The following DGCR2 variants were observed in gnomAD, a reference collection of about 807,000 sequenced individuals.
DGCR2 encodes the protein integral membrane protein DGCR2/IDD.
DGCR2 carries 24 observed loss-of-function variants against 51.6 expected under a neutral mutation model. The observed-to-expected ratio is 0.47, with a 90% confidence interval of 0.34 to 0.65. DGCR2 has a LOEUF of 0.65. Ranked by LOEUF, DGCR2 falls within the 30% of genes least tolerant of loss-of-function variation. DGCR2 has a pLI of 0.01. For missense variants in DGCR2, 765 were observed against 772.1 expected (o/e 0.99, Z 0.11); for synonymous variants, 340 against 315.4 (o/e 1.08, Z -0.82).
intron 3 of DGCR2, among the ~76,000 whole-genome samples, chr22:19,065,560 C>T (rs1302382292): frequency 2.6e-5 from 4 of 152,176 alleles, no homozygotes; most frequent in Non-Finnish European, 5.9e-5. Flanking sequence ...CTGGGAGAGC[C>T]ATGACACTGT....
In DGCR2 at chr22:19,057,171, G is replaced by A. The variant is rs1360849182; in HGVS notation, c.626-9C>T. On this transcript the variant is annotated splice_polypyrimidine_tract_variant and intron_variant, in intron 5 of 9. Transcript: ENST00000263196. The surrounding 1 kb of genome is among the most constrained non-coding windows in gnomAD (Gnocchi z 5.1). ...GAACACCTCTGAAGAGCCTGTTGGG[G>A]AGACAAAAGGTGGGGCTGGACAACA... The A allele has an allele frequency of 6.3e-7, 1 of 1,594,092 alleles. No individual in the cohort carries two copies. The highest frequency in any genetic ancestry group is 1.3e-5 in the African/African-American group (1 of 74,752).
chr22:19,095,392 T>C (rs1356653800), intron 1 of DGCR2, among the ~76,000 whole-genome samples: 1 of 150,684 alleles, frequency 6.6e-6, no homozygotes, highest in Admixed American at 6.6e-5. Context: ...CCAGGCGCGG[T>C]GGCTCACACC....
chr22:19,117,211 C>A (rs2083382654), intron 1 of DGCR2, among the ~76,000 whole-genome samples: 1 of 152,230 alleles, frequency 6.6e-6, no homozygotes, highest in East Asian at 1.9e-4. Flanking sequence ...ACTCAGTACT[C>A]TGGGAAGTGG....
intron 1 of DGCR2, among the ~76,000 whole-genome samples, chr22:19,102,395 C>G (rs753368900): frequency 4.9e-4 from 75 of 152,188 alleles, no homozygotes; most frequent in Non-Finnish European, 3.2e-4. Context: ...CTGAATTAAC[C>G]GTACACTTAA....
rs754589985 is a variant in DGCR2, at chr22:19,041,108, G to C, written c.1346C>G (p.Pro449Arg). The change falls in exon 9 of 10, where the codon CCG becomes CGG. Residue 449 changes from proline (P) to arginine (R), a missense_variant. Around this residue, in one of 3 missense-constraint regions of DGCR2, gnomAD observed 205 missense variants for 181.4 expected, o/e 1.13. Coordinates refer to ENST00000263196, the MANE Select transcript of DGCR2 (RefSeq NM_005137.3). ...PDIGQPDDPPPPYEASIHPDS... is the reference protein window; with the variant it reads ...PDIGQPDDPPRPYEASIHPDS... The stretch of plus-strand genomic sequence containing the variant: ...CGGGTGGATGGAGGCCTCGTAGGGC[G>C]GCGGAGGGTCGTCGGGCTGGCCGAT... The C allele has an allele frequency of 6.2e-7, 1 of 1,613,412 alleles. No individual in the cohort carries two copies. The highest frequency in any genetic ancestry group is 8.5e-7 in the Non-Finnish European group (1 of 1,179,540).
intron 6 of DGCR2, among the ~76,000 whole-genome samples, chr22:19,050,641 G>A (rs889927320): frequency 3.3e-5 from 5 of 152,226 alleles, no homozygotes; most frequent in African/African-American, 9.6e-5. Context: ...TGTATGGAAT[G>A]TAGTATTGGG....
At chr22:19,078,159 T>C (rs1300942762) in intron 2 of DGCR2, among the ~76,000 whole-genome samples, 1 of 152,212 alleles carries the variant, frequency 6.6e-6, no homozygotes. Context: ...CATTTTGTAG[T>C]TGTCAGTGTT....
intron 2 of DGCR2, among the ~76,000 whole-genome samples, chr22:19,075,556 A>G (rs2082866508): frequency 6.6e-6 from 1 of 152,176 alleles, no homozygotes; most frequent in Non-Finnish European, 1.5e-5. Context: ...CTTACCAAAC[A>G]AACTCCGTAT....
intron 2 of DGCR2, among the ~76,000 whole-genome samples, chr22:19,075,284 G>A (rs1409646650): frequency 2.0e-5 from 3 of 152,020 alleles, no homozygotes; most frequent in East Asian, 1.9e-4. Flanking sequence ...AAAATTAGTC[G>A]GGCATGGTGA....
rs575880535 is a variant in DGCR2, at chr22:19,121,933, C to T, written c.79+195G>A. The T allele has an allele frequency of 4.1e-5, 12 of 290,424 alleles. No homozygotes were observed. The South Asian group carries it at 1.6e-3, about 39-fold the overall frequency. The allele number at this position is 290,424 out of a possible 1,614,324, so 18.0% of individuals were successfully genotyped here. A position where few individuals can be genotyped will look rare whatever the true frequency, so the allele number is the denominator to read the frequency against. On this transcript the variant is annotated intron_variant, in intron 1 of 9. Transcript: ENST00000263196. The stretch of plus-strand genomic sequence containing the variant: ...CCTGGACAGCAGAGCTGCACGAAGT[C>T]CGAGGCGCCGCGAGCCCAGGTAAGC...
chr22:19,117,660 A>G (rs1256297114), intron 1 of DGCR2, among the ~76,000 whole-genome samples: 3 of 152,244 alleles, frequency 2.0e-5, no homozygotes, highest in African/African-American at 7.2e-5. Flanking sequence ...AAATAAGGTA[A>G]AATGCCAACA....
At chr22:19,109,212 T>C (rs766704534) in intron 1 of DGCR2, among the ~76,000 whole-genome samples, 4 of 152,132 alleles carry the variant, frequency 2.6e-5, no homozygotes, top group Non-Finnish European at 4.4e-5. Flanking sequence ...AATGGTACAG[T>C]CACTATGGAA....
chr22:19,041,469 C>T (rs1395938300), intron 8 of DGCR2, 175 bp from the exon 9 acceptor site: 21 of 652,844 alleles, frequency 3.2e-5, no homozygotes, highest in Non-Finnish European at 4.8e-5. Flanking sequence ...TGGTGTGCTC[C>T]GTGGCATGTC....
Position 19,122,171 on chromosome 22 carries a change from C to A in DGCR2, c.36G>T (p.Leu12=). The A allele has an allele frequency of 1.3e-6, 2 of 1,513,650 alleles. No homozygotes were observed. The highest frequency in any genetic ancestry group is 2.9e-5 in the East Asian group (1 of 34,756). The allele number at this position is 1,513,650 out of a possible 1,614,324, so 93.8% of individuals were successfully genotyped here. Residue 12 remains leucine, a synonymous_variant, in exon 1 of 10, where the codon CTG becomes CTT. Transcript: ENST00000263196. ...TGACAGTGAGCACGAGCAGGAAGAG[C>A]AGCAGGAAGGCGCCGCTGTCTGCCT... is the stretch of plus-strand genomic sequence containing the variant. ...VPKADSGAFL[L]LFLLVLTVTE... is the part of the protein sequence containing the mutation.
chr22:19,056,429 C>A, intron 6 of DGCR2: 2 of 512,918 alleles, frequency 3.9e-6, no homozygotes, highest in South Asian at 2.2e-5. Flanking sequence ...GCACAGCTGC[C>A]ATCCCAGAGC....
At chr22:19,096,137 A>G (rs910406260) in intron 1 of DGCR2, among the ~76,000 whole-genome samples, 1 of 152,180 alleles carries the variant, frequency 6.6e-6, no homozygotes, top group Non-Finnish European at 1.5e-5. Context: ...TCCTCAGTGT[A>G]TTCTAGGTCT....
intron 2 of DGCR2, among the ~76,000 whole-genome samples, chr22:19,082,383 G>C (rs902936360): frequency 6.6e-6 from 1 of 151,790 alleles, no homozygotes; most frequent in Admixed American, 6.6e-5. Flanking sequence ...CAATAAACGA[G>C]AGATCTTAAT....
rs2082400487 is a variant in DGCR2 at position 19,038,909 on chromosome 22, C to G, written c.1609G>C (p.Gly537Arg). ...GAGCTGCGGCTGTGGCGGCCACCCC[C>G]TGGCAGTGCCTCTGCAGCTGGGGTG... is the stretch of plus-strand genomic sequence containing the variant. ...GSTPAAEALP[G>R]GGRHSRSSLN... The change falls in exon 10 of 10, where the codon GGG (glycine) becomes CGG (arginine). Residue 537 changes from glycine to arginine, a missense_variant. Around this residue, in one of 3 missense-constraint regions of DGCR2, gnomAD observed 205 missense variants for 181.4 expected, o/e 1.13. Transcript: ENST00000263196. 1.2e-6 allele frequency: 2 copies of G among 1,612,710 alleles called. No individual in the cohort carries two copies.
chr22:19,043,647 C>A (rs965568170), intron 7 of DGCR2, among the ~76,000 whole-genome samples: 2 of 152,114 alleles, frequency 1.3e-5, no homozygotes, highest in African/African-American at 4.8e-5. Flanking sequence ...CCAGCAGGGA[C>A]CCTGCTAAGC....
Sources: allele counts gnomAD v4.1 joint callset (sites outside exome capture counted in the v4.1 genomes callset), GRCh38; gene constraint gnomAD v4.1.1; regional missense constraint gnomAD v4.1.1; non-coding constraint Gnocchi (gnomAD v3.1); transcripts MANE v1.5; gene names NCBI Gene and HGNC (gene_info 2026-07-23, HGNC 2026-07-21).